Variants in ADCY2 observed in about 807,000 individuals in gnomAD.
The protein encoded by ADCY2 is adenylate cyclase 2.
Under a neutral mutation model 125.2 loss-of-function variants are expected in ADCY2, and 31 were observed. That is an observed-to-expected ratio of 0.25 (90% confidence interval 0.19 to 0.33). The LOEUF (loss-of-function observed/expected upper bound fraction) is 0.33, where lower values mean the gene tolerates loss of function less well. ADCY2 is among the 10% of genes least tolerant of loss of function. The pLI is 1.00. For synonymous variants in ADCY2, 512 were observed against 548.4 expected, an observed-to-expected ratio of 0.93 and a Z score of 0.93; for missense variants, 904 against 1,418.2, an observed-to-expected ratio of 0.64 and a Z score of 5.82.
intron 22 of ADCY2, among the ~76,000 whole-genome samples, chr5:7,806,483 C>T (rs1744765615): frequency 6.6e-6 from 1 of 152,190 alleles, no homozygotes. Context: ...TTATTTCTCA[C>T]AGTTCTGAAG....
chr5:7,584,962 T>A (rs1348775209), intron 3 of ADCY2, among the ~76,000 whole-genome samples: 1 of 152,034 alleles, frequency 6.6e-6, no homozygotes, highest in Non-Finnish European at 1.5e-5. Flanking sequence ...ATGCTGACAA[T>A]GTAAAATAGT....
At chr5:7,565,313 G>T (rs188176597) in intron 3 of ADCY2, among the ~76,000 whole-genome samples, 168 of 152,304 alleles carry the variant, frequency 1.1e-3, no homozygotes, top group African/African-American at 3.8e-3. Flanking sequence ...TATCAGAAGT[G>T]CTTTCAGTTT....
At chr5:7,712,381 T>C (rs1272712337) in intron 10 of ADCY2, among the ~76,000 whole-genome samples, 1 of 152,244 alleles carries the variant, frequency 6.6e-6, no homozygotes, top group Non-Finnish European at 1.5e-5. Flanking sequence ...TGATTTCACA[T>C]ACTTAACCAA....
chr5:7,786,061 C>A (rs1308766698), intron 19 of ADCY2, among the ~76,000 whole-genome samples: 1 of 152,148 alleles, frequency 6.6e-6, no homozygotes, highest in Non-Finnish European at 1.5e-5. Context: ...TTTAGTGTAG[C>A]AAAAAGTAAT....
chr5:7,633,535 G>A (rs1307487093), intron 4 of ADCY2, among the ~76,000 whole-genome samples: 1 of 152,098 alleles, frequency 6.6e-6, no homozygotes, highest in Non-Finnish European at 1.5e-5. Context: ...TTCTTTTAAT[G>A]GTTAAATATA....
At chr5:7,693,363 G>T (rs544255949) in intron 5 of ADCY2, among the ~76,000 whole-genome samples, 1 of 149,540 alleles carries the variant, frequency 6.7e-6, no homozygotes, top group African/African-American at 2.5e-5. Flanking sequence ...TTTCTCTACC[G>T]TAATGCTTTG....
At chr5:7,630,461 T>C (rs1218768884) in intron 4 of ADCY2, among the ~76,000 whole-genome samples, 1 of 152,212 alleles carries the variant, frequency 6.6e-6, no homozygotes, top group East Asian at 1.9e-4. Context: ...CTGGGTACTT[T>C]ATGTAGTACT....
intron 3 of ADCY2, among the ~76,000 whole-genome samples, chr5:7,570,975 A>C (rs1331911404): frequency 6.6e-6 from 1 of 152,192 alleles, no homozygotes; most frequent in Non-Finnish European, 1.5e-5. Flanking sequence ...TGTTGATTCT[A>C]TCAGAAATAG....
chr5:7,438,156 G>A (rs186362681), intron 2 of ADCY2, among the ~76,000 whole-genome samples: 9 of 152,282 alleles, frequency 5.9e-5, no homozygotes, highest in Admixed American at 1.3e-4. Context: ...AAGGTCCACC[G>A]GAAGATTCCA....
Position 7,709,282 on chromosome 5 carries a change from G to C in ADCY2, c.1473G>C (p.Ser491=), listed in dbSNP as rs771452586. The change falls in exon 10 of 25, where the codon TCG becomes TCC. Residue 491 remains serine (S), a synonymous_variant. Coordinates refer to ENST00000338316, the MANE Select transcript of ADCY2 (RefSeq NM_020546.3). The surrounding 1 kb of genome is among the most constrained non-coding windows in gnomAD (Gnocchi z 4.4). ...HTLDGAKMRA[S]VRMTRYLESW... is the part of the protein sequence containing the mutation. ...TTGATGGAGCCAAAATGAGGGCCTC[G>C]GTCCGCATGACCCGGTACTTGGAGT... is the stretch of plus-strand genomic sequence containing the variant. 10 of 1,613,586 alleles carry C rather than the reference G, an allele frequency of 6.2e-6. No homozygotes were observed. Among genetic ancestry groups the C allele is most frequent in the Non-Finnish European group, 6.8e-6 (8 of 1,179,874 alleles).
intron 15 of ADCY2, among the ~76,000 whole-genome samples, chr5:7,748,217 C>T (rs774293678): frequency 1.3e-5 from 2 of 152,174 alleles, no homozygotes; most frequent in Non-Finnish European, 1.5e-5. Context: ...AGCAGGAGGG[C>T]GGGTTCTATG....
intron 2 of ADCY2, among the ~76,000 whole-genome samples, chr5:7,490,136 G>A (rs1743105780): frequency 1.3e-5 from 2 of 152,078 alleles, no homozygotes; most frequent in East Asian, 1.9e-4. Context: ...TACTATGACA[G>A]TAAGAAAGTT....
intron 2 of ADCY2, among the ~76,000 whole-genome samples, chr5:7,491,478 TA>T (rs1414994664): frequency 1.3e-5 from 2 of 152,194 alleles, no homozygotes; most frequent in African/African-American, 4.8e-5. Flanking sequence ...TAGAAACTAA[TA>T]AAAATGCTAA....
intron 3 of ADCY2, among the ~76,000 whole-genome samples, chr5:7,559,378 A>G (rs1330103514): frequency 1.3e-5 from 2 of 152,116 alleles, no homozygotes; most frequent in African/African-American, 4.8e-5. Context: ...TTCTCCTTGT[A>G]GAGATCTTTC....
chr5:7,625,953 T>C (rs1310935476), intron 3 of ADCY2, among the ~76,000 whole-genome samples: 3 of 152,230 alleles, frequency 2.0e-5, no homozygotes, highest in African/African-American at 4.8e-5. Context: ...TGCAAAGTCA[T>C]CTACCAAAGG....
intron 22 of ADCY2, among the ~76,000 whole-genome samples, chr5:7,807,946 GGTT>G (rs1332733142): frequency 6.6e-6 from 1 of 152,198 alleles, no homozygotes; most frequent in Non-Finnish European, 1.5e-5. Context: ...CACCTGTGGT[GGTT>G]GTTACAGTGG....
chr5:7,673,269 A>AAAAATATAT (rs1554030659), intron 4 of ADCY2, among the ~76,000 whole-genome samples: 1 of 3,932 alleles, frequency 2.5e-4, no homozygotes, highest in African/African-American at 6.4e-4. Context: ...AAAAAAAAAA[A>AAAAATATAT]ATATATATAT....
intron 3 of ADCY2, among the ~76,000 whole-genome samples, chr5:7,613,644 G>A (rs1737651815): frequency 6.6e-6 from 1 of 152,210 alleles, no homozygotes; most frequent in African/African-American, 2.4e-5. Context: ...GTGACTGACT[G>A]AATCATCATC....
intron 2 of ADCY2, among the ~76,000 whole-genome samples, chr5:7,463,618 T>TAAAAAA (rs33927169): frequency 4.9e-5 from 5 of 102,550 alleles, no homozygotes; most frequent in East Asian, 2.6e-4. Flanking sequence ...AGGTGATAGA[T>TAAAAAA]AAAAAAAAAA....
Sources: gnomAD v4.1 joint callset for allele counts (sites outside exome capture counted in the v4.1 genomes callset) on GRCh38, gnomAD v4.1.1 for gene constraint, Gnocchi (gnomAD v3.1) non-coding constraint, MANE v1.5 for transcripts, NCBI Gene and HGNC (gene_info 2026-07-23, HGNC 2026-07-21) for gene names.